ITPRIPL1: variants seen among roughly 807,000 people sequenced by gnomAD.
ITPRIPL1 encodes inositol 1,4,5-trisphosphate receptor-interacting protein-like 1.
ITPRIPL1 carries 28 observed loss-of-function variants against 40.0 expected under a neutral mutation model. The observed-to-expected ratio is 0.70, with a 90% CI of 0.52 to 0.96. The LOEUF is 0.96. ITPRIPL1 is among the 40% of genes least tolerant of loss of function. ITPRIPL1 has a pLI of 0.00. For missense variants in ITPRIPL1, 638 were observed against 698.0 expected (o/e 0.91, Z 0.97); for synonymous variants, 251 against 275.7 (o/e 0.91, Z 0.89).
Position 96,327,719 on chromosome 2 carries a change from C to T in ITPRIPL1, c.1088C>T (p.Ser363Leu), listed in dbSNP as rs199538607. The T allele has an allele frequency of 2.5e-6, 4 of 1,613,242 alleles. No homozygotes were observed. Among genetic ancestry groups the T allele is most frequent in the Non-Finnish European group, 2.5e-6 (3 of 1,179,634 alleles). ...GACTATCGCTCAGGCCGCTTTCTCT[C>T]AATCCACTTGGTCCTGGGGGTGCAA... ...RLDYRSGRFL[S>L]IHLVLGVQRE... Residue 363 changes from serine to leucine, a missense_variant, in exon 3 of 3, where the codon TCA becomes TTA. By Grantham distance (145) the Ser-to-Leu change is moderately radical. Coordinates refer to ENST00000439118, the MANE Select transcript of ITPRIPL1 (RefSeq NM_001008949.3).
chr2:96,326,896 A>G lies in ITPRIPL1; in HGVS notation c.265A>G (p.Lys89Glu). The G allele has an allele frequency of 6.2e-7, 1 of 1,614,222 alleles. No homozygotes were observed. Among genetic ancestry groups the G allele is most frequent in the Non-Finnish European group, 8.5e-7 (1 of 1,180,042 alleles). ...ATCCAGTGACCAGTTAGTGCTGGGG[A>G]AGAAAGACATGGGGTGGCCGTTCCA... The part of the protein sequence containing the change: ...DTSSDQLVLG[K>E]KDMGWPFQAD... The change falls in exon 3 of 3, where the codon AAG (lysine) becomes GAG (glutamate). Residue 89 changes from lysine (K) to glutamate (E), a missense_variant. Coordinates refer to ENST00000439118, the MANE Select transcript of ITPRIPL1 (RefSeq NM_001008949.3).
downstream of ITPRIPL1, chr2:96,329,845 G>C (rs1188277885): frequency 6.6e-6 from 1 of 152,156 alleles, no homozygotes; most frequent in African/African-American, 2.4e-5. Context: ...AAGAAGATCT[G>C]CTGGGGAGGG....
chr2:96,328,577 C>G (rs931196602), downstream of ITPRIPL1: 4 of 343,568 alleles, frequency 1.2e-5, no homozygotes, highest in African/African-American at 8.4e-5. Context: ...GAGGATCTTG[C>G]TGCTAAGGAG....
chr2:96,325,829 C>A lies in ITPRIPL1; in HGVS notation c.-11C>A, dbSNP rs1238082350. 2.5e-6 allele frequency: 4 copies of A among 1,613,526 alleles called. No individual in the cohort carries two copies. The highest frequency in any genetic ancestry group is 1.3e-5 in the African/African-American group (1 of 74,894). On this transcript the variant is annotated 5_prime_UTR_variant, in exon 2 of 3. Transcript: ENST00000439118. ...CCAGCTGGCTTCAGCGTCCACACGG[C>A]ATAGTCCTTCATGAATGTTGGTAAG...
rs769171556 is a variant in ITPRIPL1 at position 96,327,362 on chromosome 2, C to A, written c.731C>A (p.Pro244Gln). The A allele has an allele frequency of 2.5e-6, 4 of 1,614,162 alleles. No homozygotes were observed. Among genetic ancestry groups the A allele is most frequent in the Middle Eastern group, 1.6e-4 (1 of 6,062 alleles). ...KFDILVPIVP[P>Q]QGTMFVLEMR... ...GATATCCTGGTGCCCATTGTCCCCC[C>A]ACAGGGCACCATGTTTGTCCTGGAG... Residue 244 changes from proline to glutamine, a missense_variant, in exon 3 of 3, where the codon CCA becomes CAA. Physicochemically the swap from Pro to Gln is moderately conservative, Grantham distance 76 (BLOSUM62 -1). Transcript: ENST00000439118.
chr2:96,325,998 G>C, intron 2 of ITPRIPL1, 149 bp downstream of exon 2: 1 of 1,125,274 alleles, frequency 8.9e-7, no homozygotes, highest in Middle Eastern at 2.0e-4. Flanking sequence ...AAGAAGTGAA[G>C]CTAGCCTGCC....
In ITPRIPL1 at chr2:96,328,079, G is replaced by A. The variant is rs555956819; in HGVS notation, c.1448G>A (p.Arg483His). The A allele has an allele frequency of 2.8e-5, 46 of 1,614,090 alleles. No homozygotes were observed. The highest frequency in any genetic ancestry group is 7.7e-5 in the South Asian group (7 of 91,068). ...RLQDILWFLG[R>H]GLQQRSLHHF... ...CAGGACATTCTCTGGTTCTTGGGCC[G>A]TGGCCTCCAGCAAAGGTCCCTCCAT... Residue 483 changes from arginine (R) to histidine (H), a missense_variant, in exon 3 of 3, where the codon CGT becomes CAT. Physicochemically the swap from Arg to His is conservative, Grantham distance 29 (BLOSUM62 0). Transcript: ENST00000439118.
Position 96,327,672 on chromosome 2 carries a change from C to T in ITPRIPL1, c.1041C>T (p.Thr347=), listed in dbSNP as rs969651685. Residue 347 remains threonine, a synonymous_variant, in exon 3 of 3, where the codon ACC becomes ACT. Transcript: ENST00000439118. ...YDFKLSLPPS[T]TSCKLRLDYR... is the part of the protein sequence containing the mutation. Reference sequence around the variant, plus strand: ...TTAAACTCAGTCTCCCACCGTCTACCACCTCCTGCAAGCTCCGGCTGGACT... The same window carrying T: ...TTAAACTCAGTCTCCCACCGTCTACTACCTCCTGCAAGCTCCGGCTGGACT... 1 of 1,613,386 alleles carries T rather than the reference C, an allele frequency of 6.2e-7. No individual in the cohort carries two copies. The highest frequency in any genetic ancestry group is 8.5e-7 in the Non-Finnish European group (1 of 1,179,758).
chr2:96,325,789 A>G lies in ITPRIPL1; in HGVS notation c.-51A>G. 1.2e-6 allele frequency: 2 copies of G among 1,608,378 alleles called. No individual in the cohort carries two copies. Among genetic ancestry groups the G allele is most frequent in the Non-Finnish European group, 1.7e-6 (2 of 1,174,780 alleles). The stretch of plus-strand genomic sequence containing the variant: ...GGGAGACGAAGCAAGGCCAAGTTCC[A>G]AAGGGAGGATAGGCCCAGCTGGCTT... On this transcript the variant is annotated 5_prime_UTR_variant, in exon 2 of 3. Transcript: ENST00000439118.
In ITPRIPL1 at chr2:96,325,528, G is replaced by C; in HGVS notation, c.-131G>C. ...AAAAAAGCAGTGGCGGTCAGGCCGCGCTGTCTCTTTAAGATCGTGTTCCTA... is the reference window on the plus strand; with the variant it reads ...AAAAAAGCAGTGGCGGTCAGGCCGCCCTGTCTCTTTAAGATCGTGTTCCTA... On this transcript the variant is annotated 5_prime_UTR_variant, in exon 1 of 3. Coordinates refer to ENST00000439118, the MANE Select transcript of ITPRIPL1 (RefSeq NM_001008949.3). The C allele has an allele frequency of 2.1e-6, 1 of 473,406 alleles. No individual in the cohort carries two copies. Among genetic ancestry groups the C allele is most frequent in the South Asian group, 2.5e-5 (1 of 39,952 alleles). 29.3% of individuals were successfully genotyped at this position (473,406 alleles called of 1,614,324 possible).
In ITPRIPL1 at chr2:96,326,874, C is replaced by T. The variant is rs1558780316; in HGVS notation, c.243C>T (p.Ser81=). ...AGAACTTCTGGACAGGAGACACATC[C>T]AGTGACCAGTTAGTGCTGGGGAAGA... ...KAENFWTGDT[S]SDQLVLGKKD... is the part of the protein sequence containing the mutation. Residue 81 remains serine (S), a synonymous_variant, in exon 3 of 3, where the codon TCC becomes TCT. Coordinates refer to ENST00000439118, the MANE Select transcript of ITPRIPL1 (RefSeq NM_001008949.3). 1.2e-6 allele frequency: 2 copies of T among 1,614,190 alleles called. No homozygotes were observed. The highest frequency in any genetic ancestry group is 2.2e-5 in the East Asian group (1 of 44,880).
At chr2:96,329,146 AAAT>A (rs1372810217), downstream of ITPRIPL1, 2 of 113,342 alleles carry the variant, frequency 1.8e-5, no homozygotes, top group Non-Finnish European at 3.4e-5. Context: ...AAAAAAAAAA[AAAT>A]TATATATATA....
At chr2:96,328,359 GTGTT>G, downstream of ITPRIPL1, 1 of 1,518,416 alleles carries the variant, frequency 6.6e-7, no homozygotes, top group African/African-American at 1.4e-5. Flanking sequence ...GGCTACAAAA[GTGTT>G]TACTTTTCAG....
Position 96,327,631 on chromosome 2 carries a change from G to A in ITPRIPL1, c.1000G>A (p.Ala334Thr), listed in dbSNP as rs2064125494. The A allele has an allele frequency of 3.1e-6, 5 of 1,611,362 alleles. No individual in the cohort carries two copies. The East Asian group carries it at 1.1e-4, about 36-fold the overall frequency. The change falls in exon 3 of 3, where the codon GCC (alanine) becomes ACC (threonine). Residue 334 changes from alanine (A) to threonine (T), a missense_variant. Ala to Thr is a moderately conservative substitution (Grantham distance 58). Coordinates refer to ENST00000439118, the MANE Select transcript of ITPRIPL1 (RefSeq NM_001008949.3). ...NMMGNAWALV[A>T]HKYDFKLSLP... The stretch of plus-strand genomic sequence containing the variant: ...GATGGGCAATGCCTGGGCCCTTGTG[G>A]CCCACAAGTATGACTTTAAACTCAG...
downstream of ITPRIPL1, chr2:96,328,360 T>C: frequency 6.6e-7 from 1 of 1,514,152 alleles, no homozygotes; most frequent in Non-Finnish European, 8.9e-7. Context: ...GCTACAAAAG[T>C]GTTTACTTTT....
chr2:96,326,053 C>T, intron 2 of ITPRIPL1: 3 of 569,732 alleles, frequency 5.3e-6, no homozygotes, highest in Non-Finnish European at 6.7e-6. Flanking sequence ...GAGAGGGCAC[C>T]GTAGCAAGCA....
chr2:96,329,796 T>C (rs946425616), downstream of ITPRIPL1: 1 of 152,080 alleles, frequency 6.6e-6, no homozygotes, highest in Non-Finnish European at 1.5e-5. Flanking sequence ...ATGGGTGTGA[T>C]TGTTTTGGAA....
chr2:96,325,675 A>G, intron 1 of ITPRIPL1, 72 bp from the exon 2 acceptor site: 4 of 684,970 alleles, frequency 5.8e-6, no homozygotes, highest in Non-Finnish European at 1.1e-5. Context: ...GAATTTGGGG[A>G]AGTTATGAAT....
rs1162682336 is a variant in ITPRIPL1 at position 96,325,491 on chromosome 2, C to A, written c.-168C>A. On this transcript the variant is annotated 5_prime_UTR_variant, in exon 1 of 3. Coordinates refer to ENST00000439118, the MANE Select transcript of ITPRIPL1 (RefSeq NM_001008949.3). Reference sequence around the variant, plus strand: ...GCCCCAGCGATGAACCGGACGCCCCCACCCTGCCGGGAAAAAAGCAGTGGC... The same window carrying A: ...GCCCCAGCGATGAACCGGACGCCCCAACCCTGCCGGGAAAAAAGCAGTGGC... 5.0e-6 allele frequency: 2 copies of A among 398,554 alleles called. No homozygotes were observed. The highest frequency in any genetic ancestry group is 5.3e-5 in the East Asian group (1 of 19,046). 24.7% of individuals were successfully genotyped at this position (398,554 alleles called of 1,614,324 possible). A position where few individuals can be genotyped will look rare whatever the true frequency, so the allele number is the denominator to read the frequency against.
Sources: gnomAD v4.1 joint callset for allele counts on GRCh38, gnomAD v4.1.1 for gene constraint, MANE v1.5 for transcripts, NCBI Gene and HGNC (gene_info 2026-07-23, HGNC 2026-07-21) for gene names.